Variants in TRPM3 observed in about 807,000 individuals in gnomAD.
TRPM3 encodes the protein transient receptor potential cation channel subfamily M member 3.
Under a neutral mutation model 181.2 loss-of-function variants are expected in TRPM3, and 77 were observed. The observed-to-expected ratio is 0.42, with a 90% CI of 0.35 to 0.51. TRPM3 has a LOEUF of 0.51. Among genes scored for constraint, TRPM3 ranks in the 20% least tolerant of loss-of-function variants. TRPM3 has a pLI of 0.01. For missense variants in TRPM3, 1,759 were observed against 2,196.7 expected (o/e 0.80, Z 3.98); for synonymous variants, 745 against 796.4 (o/e 0.94, Z 1.09).
Position 70,805,534 on chromosome 9 carries a change from GAA to G in TRPM3, c.974-21257_974-21256del, listed in dbSNP as rs534322844. 4.1e-3 allele frequency among the ~76,000 whole-genome samples: 336 copies of G among 82,286 alleles called. 1 individual carries two copies. Among genetic ancestry groups the G allele is most frequent in the African/African-American group, 9.5e-3 (280 of 29,590 alleles). 54.0% of individuals were successfully genotyped at this position (82,286 alleles called of 152,430 possible). ...GGGCGACAGAGCCAGACTCCATCTC[GAA>G]AAAAAAAAAAAAAAAAAAAAAAAAA... is the stretch of plus-strand genomic sequence containing the variant. On this transcript the variant is annotated intron_variant, in intron 6 of 25. Transcript: ENST00000677713.
chr9:70,551,068 C>T (rs952161265), intron 24 of TRPM3, among the ~76,000 whole-genome samples: 2 of 152,180 alleles, frequency 1.3e-5, no homozygotes, highest in Non-Finnish European at 2.9e-5. Flanking sequence ...TCTGCTGGCA[C>T]TTCATTTAAC....
chr9:71,339,942 T>C (rs1565478496), intron 1 of TRPM3, among the ~76,000 whole-genome samples: 1 of 152,126 alleles, frequency 6.6e-6, no homozygotes, highest in Non-Finnish European at 1.5e-5. Context: ...CAAATCTATC[T>C]GTATTATAAA....
chr9:71,060,976 T>C (rs1458421960), intron 1 of TRPM3, among the ~76,000 whole-genome samples: 1 of 152,104 alleles, frequency 6.6e-6, no homozygotes, highest in Non-Finnish European at 1.5e-5. Context: ...CAGAGTACTC[T>C]GAAATTAAGA....
At position 70,877,056 on chromosome 9, in the gene TRPM3, T is replaced by C. The variant is rs2095879289; in HGVS notation, c.178-12545A>G. ...TTTATGGCTTTTACCAAATGCATAATATCAGATATCCATCATTAATATCAT... is the reference window on the plus strand; with the variant it reads ...TTTATGGCTTTTACCAAATGCATAACATCAGATATCCATCATTAATATCAT... On this transcript the variant is annotated intron_variant, in intron 1 of 25. Coordinates refer to ENST00000677713, the MANE Select transcript of TRPM3 (RefSeq NM_001366145.2). Among the ~76,000 whole-genome samples, 3 of 152,070 alleles carry C rather than the reference T, an allele frequency of 2.0e-5. No individual in the cohort carries two copies. The South Asian group carries it at 6.2e-4, about 31-fold the overall frequency.
chr9:70,908,078 G>A (rs960230038), intron 1 of TRPM3, among the ~76,000 whole-genome samples: 1 of 151,916 alleles, frequency 6.6e-6, no homozygotes, highest in South Asian at 2.1e-4. Context: ...TCTAGTAAAG[G>A]GATTTAAGCT....
At chr9:70,836,211 GGGCCCCATCACCTCAT>G (rs754188703) in intron 5 of TRPM3, among the ~76,000 whole-genome samples, 5 of 151,958 alleles carry the variant, frequency 3.3e-5, no homozygotes, top group Admixed American at 1.3e-4. Flanking sequence ...CCTTAGCTCT[GGGCCCCATCACCTCAT>G]GGCCCTTCTA....
At chr9:71,109,532 A>T (rs934907380) in intron 1 of TRPM3, among the ~76,000 whole-genome samples, 6 of 152,156 alleles carry the variant, frequency 3.9e-5, no homozygotes, top group African/African-American at 1.4e-4. Context: ...AATAATACAA[A>T]ACAGTATTTT....
intron 1 of TRPM3, among the ~76,000 whole-genome samples, chr9:70,939,322 A>C (rs2096862149): frequency 6.6e-6 from 1 of 152,226 alleles, no homozygotes; most frequent in Admixed American, 6.5e-5. Flanking sequence ...TGTGGGTGCT[A>C]ATTACCCGAC....
Position 70,598,444 on chromosome 9 carries a change from G to A in TRPM3, c.3023C>T (p.Pro1008Leu), listed in dbSNP as rs1564493438. ...CATTTTTCCAATCATCATTACATAC[G>A]GGCCCAAATACTTGTTCACGCCGAA... is the stretch of plus-strand genomic sequence containing the variant. ...DIFGVNKYLG[P>L]YVMMIGKMMI... Residue 1008 changes from proline (P) to leucine (L), a missense_variant, in exon 21 of 26, where the codon CCG becomes CTG. By Grantham distance (98) the Pro-to-Leu change is moderately conservative. This residue lies in a region of TRPM3 where 94 missense variants were observed against 221.3 expected (regional missense o/e 0.42). Coordinates refer to ENST00000677713, the MANE Select transcript of TRPM3 (RefSeq NM_001366145.2). 1.2e-6 allele frequency: 2 copies of A among 1,614,002 alleles called. No homozygotes were observed. The highest frequency in any genetic ancestry group is 8.5e-7 in the Non-Finnish European group (1 of 1,180,006).
intron 1 of TRPM3, among the ~76,000 whole-genome samples, chr9:71,344,464 T>C (rs1307099254): frequency 2.0e-5 from 3 of 151,628 alleles, no homozygotes; most frequent in Non-Finnish European, 4.4e-5. Flanking sequence ...AAAAAAAAAT[T>C]AACTGGAGCG....
intron 1 of TRPM3, among the ~76,000 whole-genome samples, chr9:71,237,921 G>T (rs2081454408): frequency 6.6e-6 from 1 of 152,158 alleles, no homozygotes. Context: ...TAATTAGGAA[G>T]ATTCCCTCAT....
intron 1 of TRPM3, among the ~76,000 whole-genome samples, chr9:71,088,880 G>A (rs538570495): frequency 6.6e-6 from 1 of 151,730 alleles, no homozygotes; most frequent in South Asian, 2.1e-4. Context: ...AATCTACTTA[G>A]GCAGAGAGGT....
In TRPM3 at chr9:70,970,374, A is replaced by C. The variant is rs1009314079; in HGVS notation, c.178-105863T>G. Among the ~76,000 whole-genome samples, 5 of 152,274 alleles carry C rather than the reference A, an allele frequency of 3.3e-5. 1 individual carries two copies. Among genetic ancestry groups the C allele is most frequent in the African/African-American group, 1.2e-4 (5 of 41,560 alleles). On this transcript the variant is annotated intron_variant, in intron 1 of 25. Transcript: ENST00000677713. ...AAAGTCATTCAAAAACAAAAAGCAA[A>C]TTAAGACTAATTCCTCAATTAAATC...
rs560265685 is a variant in TRPM3 at position 70,639,044 on chromosome 9, C to T, written c.1581+16G>A. On this transcript the variant is annotated intron_variant, in intron 11 of 25. Transcript: ENST00000677713. ...AGAAAAAAAAGAAAATAAAAAGTGC[C>T]TTAGTTTGGCCCTACCGTATTGTAC... 16 of 1,609,002 alleles carry T rather than the reference C, an allele frequency of 9.9e-6. No homozygotes were observed. The Admixed American group carries it at 1.0e-4, about 10-fold the overall frequency.
intron 1 of TRPM3, among the ~76,000 whole-genome samples, chr9:71,097,801 T>C (rs1017581412): frequency 1.3e-5 from 2 of 152,112 alleles, no homozygotes; most frequent in South Asian, 4.1e-4. Context: ...GATGAAATAC[T>C]TCCAGTTTCA....
chr9:70,579,850 C>T (rs1434398345), intron 22 of TRPM3, among the ~76,000 whole-genome samples: 2 of 152,276 alleles, frequency 1.3e-5, no homozygotes, highest in South Asian at 2.1e-4. Flanking sequence ...GTGAAGCCTC[C>T]CCACACCCTG....
chr9:71,390,662 C>G (rs538081220), intron 1 of TRPM3, among the ~76,000 whole-genome samples: 1 of 151,972 alleles, frequency 6.6e-6, no homozygotes, highest in Non-Finnish European at 1.5e-5. Flanking sequence ...TGAATTAAAA[C>G]TGTCAATCAT....
At chr9:71,394,861 T>C (rs942738629) in intron 1 of TRPM3, among the ~76,000 whole-genome samples, 5 of 152,236 alleles carry the variant, frequency 3.3e-5, no homozygotes, top group Admixed American at 1.3e-4. Flanking sequence ...CTTGGCATCA[T>C]AAACTCTGTG....
chr9:70,572,712 A>G (rs964477491), intron 22 of TRPM3, among the ~76,000 whole-genome samples: 6 of 152,226 alleles, frequency 3.9e-5, no homozygotes, highest in Non-Finnish European at 7.3e-5. Context: ...TTTTTATAAC[A>G]TATCAGTGAG....
Sources: gnomAD v4.1 joint callset for allele counts (sites outside exome capture counted in the v4.1 genomes callset) on GRCh38, gnomAD v4.1.1 for gene constraint, gnomAD v4.1.1 regional missense constraint, MANE v1.5 for transcripts, NCBI Gene and HGNC (gene_info 2026-07-23, HGNC 2026-07-21) for gene names.